The following RIC1 variants were observed in gnomAD, a reference collection of about 807,000 sequenced individuals.
RIC1 encodes RIC1 partner of RAB6A GEF complex, also known as guanine nucleotide exchange factor subunit RIC1.
Under a neutral mutation model 169.0 loss-of-function variants are expected in RIC1, and 88 were observed. The observed-to-expected ratio is 0.52, with a 90% CI of 0.44 to 0.62. The LOEUF is 0.62. RIC1 is among the 20% of genes least tolerant of loss of function. The pLI is 0.00. For synonymous variants in RIC1, 790 were observed against 601.5 expected, an observed-to-expected ratio of 1.31 and a Z score of -4.59; for missense variants, 1,877 against 1,725.5, an observed-to-expected ratio of 1.09 and a Z score of -1.56.
Position 5,753,518 on chromosome 9 carries a change from A to ATT in RIC1, c.1492-8_1492-7dup. The ATT allele has an allele frequency of 1.8e-5, 23 of 1,248,790 alleles. No individual in the cohort carries two copies. Among genetic ancestry groups the ATT allele is most frequent in the South Asian group, 3.0e-5 (2 of 67,350 alleles). 77.4% of individuals were successfully genotyped at this position (1,248,790 alleles called of 1,614,324 possible). A position where few individuals can be genotyped will look rare whatever the true frequency, so the allele number is the denominator to read the frequency against. On this transcript the variant is annotated splice_polypyrimidine_tract_variant and intron_variant, in intron 13 of 25. Coordinates refer to ENST00000414202, the MANE Select transcript of RIC1 (RefSeq NM_020829.4). ...TATAGGTTTGCAAGGAAAAGTTCTT[A>ATT]TTTTTTTTTTTAAACAGTTTTCAGC...
At position 5,649,672 on chromosome 9, in the gene RIC1, A is replaced by G. The variant is rs138905558; in HGVS notation, c.145-6911A>G. On this transcript the variant is annotated intron_variant, in intron 1 of 25. Transcript: ENST00000414202. ...GAATCCTGTTGCTGGCATTTCATAA[A>G]TTTCTTTTTTATTAGAATCTGTTGC... Among the ~76,000 whole-genome samples the G allele has an allele frequency of 4.3e-3, 641 of 148,362 alleles. 1 individual carries two copies. Among genetic ancestry groups the G allele is most frequent in the African/African-American group, 0.015 (623 of 40,592 alleles).
rs527481804 is a variant in RIC1 at position 5,656,158 on chromosome 9, C to G, written c.145-425C>G. ...GTGCTGGGATTACAGGCATGAGCCA[C>G]CGCGCCTGGCCTGTAGTTTTCTTTT... On this transcript the variant is annotated intron_variant, in intron 1 of 25. Coordinates refer to ENST00000414202, the MANE Select transcript of RIC1 (RefSeq NM_020829.4). Among the ~76,000 whole-genome samples, 7 of 152,318 alleles carry G rather than the reference C, an allele frequency of 4.6e-5. No individual in the cohort carries two copies. The South Asian group carries it at 1.2e-3, about 27-fold the overall frequency.
intron 1 of RIC1, among the ~76,000 whole-genome samples, chr9:5,634,864 A>T (rs930897446): frequency 1.3e-5 from 2 of 151,634 alleles, no homozygotes; most frequent in Admixed American, 6.6e-5. Flanking sequence ...TAAGTCTTTG[A>T]TCCTTCTTCT....
At chr9:5,693,284 C>G (rs903805596) in intron 3 of RIC1, among the ~76,000 whole-genome samples, 3 of 151,994 alleles carry the variant, frequency 2.0e-5, no homozygotes, top group African/African-American at 7.2e-5. Context: ...TCTTAACTTC[C>G]CTGTATTATG....
chr9:5,666,941 G>A (rs1027388234), intron 2 of RIC1, among the ~76,000 whole-genome samples: 1 of 152,042 alleles, frequency 6.6e-6, no homozygotes, highest in African/African-American at 2.4e-5. Flanking sequence ...CAAAATTACT[G>A]GTAATGTTCT....
At chr9:5,696,433 T>A (rs1418611414) in intron 3 of RIC1, among the ~76,000 whole-genome samples, 1 of 152,144 alleles carries the variant, frequency 6.6e-6, no homozygotes, top group Admixed American at 6.5e-5. Flanking sequence ...GAAATTTATC[T>A]GAGTTGGTTT....
At chr9:5,695,872 A>G (rs12550983) in intron 3 of RIC1, among the ~76,000 whole-genome samples, 48,924 of 151,990 alleles carry the variant, frequency 0.32, 9,010 homozygotes, top group East Asian at 0.61. Context: ...CACCCGGCCT[A>G]TTATGTCTTC....
chr9:5,709,451 A>G (rs1027211981), intron 3 of RIC1, among the ~76,000 whole-genome samples: 16 of 152,198 alleles, frequency 1.1e-4, no homozygotes, highest in African/African-American at 3.9e-4. Context: ...ATCAAGAGCA[A>G]AGTTCTCAAT....
intron 17 of RIC1, 61 bp downstream of exon 17, chr9:5,757,512 A>G (rs1006025321): frequency 8.4e-6 from 13 of 1,556,394 alleles, no homozygotes; most frequent in East Asian, 6.8e-5. Flanking sequence ...ATTTGAGTCC[A>G]TATTAGGAAG....
chr9:5,721,299 TCA>T (rs1823571846), intron 6 of RIC1, among the ~76,000 whole-genome samples: 2 of 152,182 alleles, frequency 1.3e-5, no homozygotes, highest in Non-Finnish European at 1.5e-5. Flanking sequence ...CAGGTTCTTG[TCA>T]CACAGCCAGG....
At chr9:5,760,157 G>A (rs1826242541) in intron 17 of RIC1, among the ~76,000 whole-genome samples, 1 of 152,168 alleles carries the variant, frequency 6.6e-6, no homozygotes, top group Admixed American at 6.5e-5. Context: ...CAGCAAGATA[G>A]TCTCTCCATG....
In RIC1 at chr9:5,680,484, G is replaced by C. The variant is rs183293641; in HGVS notation, c.253-9475G>C. On this transcript the variant is annotated intron_variant, in intron 2 of 25. Coordinates refer to ENST00000414202, the MANE Select transcript of RIC1 (RefSeq NM_020829.4). ...TCCATCTGGTTCTGGACTTTTTTTG[G>C]TTGGTAAGCTATTAATTATTGCCTC... Among the ~76,000 whole-genome samples the C allele has an allele frequency of 1.4e-3, 207 of 152,126 alleles. 2 individuals are homozygous for C. The highest frequency in any genetic ancestry group is 4.8e-3 in the African/African-American group (199 of 41,508).
chr9:5,680,662 G>A (rs184146344), intron 2 of RIC1, among the ~76,000 whole-genome samples: 1 of 152,128 alleles, frequency 6.6e-6, no homozygotes, highest in East Asian at 1.9e-4. Context: ...TTCTCTGATG[G>A]TAGTTTGTAT....
At chr9:5,667,650 C>T (rs1232296295) in intron 2 of RIC1, among the ~76,000 whole-genome samples, 7 of 152,016 alleles carry the variant, frequency 4.6e-5, no homozygotes, top group South Asian at 2.1e-4. Context: ...ACCATAGGCA[C>T]GCACCACCAC....
intron 3 of RIC1, among the ~76,000 whole-genome samples, chr9:5,696,926 T>G (rs1291688188): frequency 6.6e-6 from 1 of 152,220 alleles, no homozygotes; most frequent in Non-Finnish European, 1.5e-5. Context: ...TGGATTTAAC[T>G]GTTAAGCTAG....
rs1006251558 is a variant in RIC1, at chr9:5,629,192, G to A, written c.-118G>A. Reference sequence around the variant, plus strand: ...GGCCAGGCCAGCGGGCAGATGCCCCGAGCTGCCGCCGCCGCCGCCGCCGAC... The same window carrying A: ...GGCCAGGCCAGCGGGCAGATGCCCCAAGCTGCCGCCGCCGCCGCCGCCGAC... On this transcript the variant is annotated 5_prime_UTR_variant, in exon 1 of 26. Coordinates refer to ENST00000414202, the MANE Select transcript of RIC1 (RefSeq NM_020829.4). 4 of 1,083,404 alleles carry A rather than the reference G, an allele frequency of 3.7e-6. No individual in the cohort carries two copies. The highest frequency in any genetic ancestry group is 1.7e-5 in the African/African-American group (1 of 60,188). 67.1% of individuals were successfully genotyped at this position (1,083,404 alleles called of 1,614,324 possible). A position where few individuals can be genotyped will look rare whatever the true frequency, so the allele number is the denominator to read the frequency against.
chr9:5,667,831 T>A (rs1018523856), intron 2 of RIC1, among the ~76,000 whole-genome samples: 1 of 152,148 alleles, frequency 6.6e-6, no homozygotes, highest in Non-Finnish European at 1.5e-5. Flanking sequence ...AGTGTGGATG[T>A]CTACTGTTCC....
rs1827430151 is a variant in RIC1, at chr9:5,774,066, T to C, written c.4092T>C (p.Gly1364=). The change falls in exon 26 of 26, where the codon GGT becomes GGC. Residue 1364 remains glycine (G), a synonymous_variant. Transcript: ENST00000414202. The stretch of plus-strand genomic sequence containing the variant: ...ATGCCTTCCAACCAATAACTATGGG[T>C]AAGACTCCAGAACAGACTAGCCCCC... ...QPDAFQPITM[G]KTPEQTSPRA... 5 of 1,613,982 alleles carry C rather than the reference T, an allele frequency of 3.1e-6. No homozygotes were observed.
At chr9:5,717,961 G>A (rs1338294433) in intron 4 of RIC1, among the ~76,000 whole-genome samples, 11 of 151,520 alleles carry the variant, frequency 7.3e-5, no homozygotes, top group East Asian at 3.9e-4. Flanking sequence ...CCAACACGGC[G>A]AAACCTTGTC....
Sources: allele counts gnomAD v4.1 joint callset (sites outside exome capture counted in the v4.1 genomes callset), GRCh38; gene constraint gnomAD v4.1.1; transcripts MANE v1.5; gene names NCBI Gene and HGNC (gene_info 2026-07-23, HGNC 2026-07-21).